TENT5D: variants seen among roughly 807,000 people sequenced by gnomAD.
The protein encoded by TENT5D is cancer/testis antigen 112.
For missense variants in TENT5D, 191 were observed against 287.0 expected (o/e 0.67, Z 2.42); for synonymous variants, 103 against 100.6 (o/e 1.02, Z -0.15).
upstream of TENT5D, among the ~76,000 whole-genome samples, chrX:80,416,854 T>C (rs1001971312): frequency 6.3e-5 from 7 of 111,392 alleles, no homozygotes; most frequent in African/African-American, 2.3e-4. Flanking sequence ...TGAATAACTT[T>C]GTTAGTTTTC....
At chrX:80,361,770 G>A (rs1930409632) in intron 3 of TENT5D, among the ~76,000 whole-genome samples, 1 of 112,046 alleles carries the variant, frequency 8.9e-6, no homozygotes, top group Admixed American at 9.5e-5. Flanking sequence ...TCTTGGACAT[G>A]TGTCTACAGC....
chrX:80,433,652 A>AT (rs1486616009), intron 1 of TENT5D, among the ~76,000 whole-genome samples: 2 of 111,798 alleles, frequency 1.8e-5, no homozygotes, highest in Non-Finnish European at 3.8e-5. Context: ...CTTCGTGTTT[A>AT]TAGGTGCCTA....
At chrX:80,442,559 C>G (rs1180055460) in exon 3 of TENT5D, 1 of 1,201,341 alleles carries the variant, frequency 8.3e-7, no homozygotes, top group African/African-American at 1.7e-5. Flanking sequence ...ATCAGATTCA[C>G]CAATCTCACT....
At chrX:80,398,603 G>A (rs145283775) in intron 3 of TENT5D, among the ~76,000 whole-genome samples, 2,285 of 110,154 alleles carry the variant, frequency 0.021, 21 homozygotes, top group Non-Finnish European at 0.032. Flanking sequence ...AGGAGCAGTA[G>A]CCTAGTTTCA....
intron 3 of TENT5D, among the ~76,000 whole-genome samples, chrX:80,369,714 A>G (rs1206094824): frequency 5.4e-5 from 6 of 111,609 alleles, no homozygotes; most frequent in Non-Finnish European, 1.1e-4. Flanking sequence ...ACAGCTAAAT[A>G]CAGATGGAAA....
At chrX:80,387,045 A>G (rs1931030183) in intron 3 of TENT5D, among the ~76,000 whole-genome samples, 1 of 112,597 alleles carries the variant, frequency 8.9e-6, no homozygotes, top group Non-Finnish European at 1.9e-5. Context: ...TTTCATAAGT[A>G]TGCAAAGCTA....
exon 3 of TENT5D, chrX:80,443,354 A>G (rs2147573727): frequency 8.3e-7 from 1 of 1,210,960 alleles, no homozygotes; most frequent in East Asian, 3.0e-5. Context: ...GATTTTCCTC[A>G]TATAGAAGAA....
intron 3 of TENT5D, among the ~76,000 whole-genome samples, chrX:80,353,845 C>G (rs1004834311): frequency 8.9e-6 from 1 of 112,477 alleles, no homozygotes; most frequent in African/African-American, 3.2e-5. Flanking sequence ...TTCTTAGAGA[C>G]ATTGCCAAAC....
At chrX:80,380,929 C>A (rs1203573700) in intron 3 of TENT5D, among the ~76,000 whole-genome samples, 1 of 111,547 alleles carries the variant, frequency 9.0e-6, no homozygotes, top group Non-Finnish European at 1.9e-5. Flanking sequence ...CAGTCTGTGT[C>A]TTTTAATTGG....
chrX:80,425,904 G>C (rs1931979754), intron 1 of TENT5D, among the ~76,000 whole-genome samples: 1 of 110,442 alleles, frequency 9.1e-6, no homozygotes, highest in Non-Finnish European at 1.9e-5. Context: ...GTGGGCACCT[G>C]TAATTCCAGC....
intron 1 of TENT5D, among the ~76,000 whole-genome samples, chrX:80,435,505 T>TA (rs1437639976): frequency 3.6e-5 from 4 of 112,540 alleles, no homozygotes; most frequent in African/African-American, 1.3e-4. Context: ...TGTTTCAAGA[T>TA]TGCTTTGTAA....
rs1352841452 is a variant in TENT5D at position 80,346,618 on chromosome X, C to T, written c.-142+4054C>T. 3.6e-5 allele frequency among the ~76,000 whole-genome samples: 4 copies of T among 111,702 alleles called. No individual in the cohort carries two copies. The Admixed American group carries it at 3.8e-4, about 11-fold the overall frequency. ...TAGTGCGCAGCTTTAATGTGCTTGT[C>T]ATATTTATATCATGTTTAGTCAAGT... is the stretch of plus-strand genomic sequence containing the variant. On this transcript the variant is annotated intron_variant, in intron 3 of 4. Transcript: ENST00000538312.
chrX:80,379,035 C>T (rs1337648874), intron 3 of TENT5D, among the ~76,000 whole-genome samples: 1 of 106,122 alleles, frequency 9.4e-6, no homozygotes, highest in East Asian at 3.0e-4. Context: ...TTTTGAGATA[C>T]GTTCCATCAA....
At chrX:80,400,106 C>G (rs1042679114) in intron 3 of TENT5D, among the ~76,000 whole-genome samples, 1 of 111,340 alleles carries the variant, frequency 9.0e-6, no homozygotes, top group Non-Finnish European at 1.9e-5. Flanking sequence ...ACCAGGGAAG[C>G]TAGCTGATGG....
At chrX:80,442,149 A>G (rs1308002268) in intron 2 of TENT5D, among the ~76,000 whole-genome samples, 1 of 111,336 alleles carries the variant, frequency 9.0e-6, no homozygotes, top group African/African-American at 3.3e-5. Flanking sequence ...TACAATCATG[A>G]TAATTAATCT....
At chrX:80,390,022 A>T (rs942107838) in intron 3 of TENT5D, among the ~76,000 whole-genome samples, 1 of 111,239 alleles carries the variant, frequency 9.0e-6, no homozygotes, top group Non-Finnish European at 1.9e-5. Flanking sequence ...AGAGGATGGG[A>T]TATTATACAC....
Position 80,443,296 on chromosome X carries a change from T to C in TENT5D, c.757T>C (p.Ser253Pro), listed in dbSNP as rs1279017345. ...TCATGGCTTCAAGCCAGCCTGTATGTCAGAAATCAAAAACCTAGAACGTTA... is the reference window on the plus strand; with the variant it reads ...TCATGGCTTCAAGCCAGCCTGTATGCCAGAAATCAAAAACCTAGAACGTTA... The change falls in exon 3 of 3, where the codon TCA (serine) becomes CCA (proline). Residue 253 changes from serine (S) to proline (P), a missense_variant. Physicochemically the swap from Ser to Pro is moderately conservative, Grantham distance 74. Coordinates refer to ENST00000308293, the Ensembl canonical transcript of TENT5D. 31 of 1,211,212 alleles carry C rather than the reference T, an allele frequency of 2.6e-5. No individual in the cohort carries two copies. Among genetic ancestry groups the C allele is most frequent in the Non-Finnish European group, 3.5e-5 (31 of 895,205 alleles).
chrX:80,396,988 C>T (rs1408877053), intron 3 of TENT5D, among the ~76,000 whole-genome samples: 7 of 88,694 alleles, frequency 7.9e-5, no homozygotes, highest in African/African-American at 8.6e-5. Flanking sequence ...TGGGCAGAGG[C>T]GCCCCTCACC....
chrX:80,402,690 T>C (rs1310389083), intron 3 of TENT5D, among the ~76,000 whole-genome samples: 2 of 111,913 alleles, frequency 1.8e-5, no homozygotes, highest in African/African-American at 6.5e-5. Flanking sequence ...ATTTGTGAAT[T>C]TTATATAATT....
Sources: allele counts gnomAD v4.1 joint callset (sites outside exome capture counted in the v4.1 genomes callset), GRCh38; gene constraint gnomAD v4.1.1; transcripts MANE v1.5; gene names NCBI Gene and HGNC (gene_info 2026-07-23, HGNC 2026-07-21).